Variants in CDIP1 observed in about 807,000 individuals in gnomAD.
The protein encoded by CDIP1 is cell death inducing p53 target 1, also known as cell death-inducing p53-target protein 1.
Under a neutral mutation model 17.7 loss-of-function variants are expected in CDIP1, and 9 were observed. That is an observed-to-expected ratio of 0.51 (90% CI 0.31 to 0.89). CDIP1 has a LOEUF of 0.89. Among genes scored for constraint, CDIP1 ranks in the 40% least tolerant of loss-of-function variants. The probability of loss-of-function intolerance (pLI) is 0.05; values close to 1 mark genes in which losing one functional copy is unlikely to be tolerated. For missense variants in CDIP1, 263 were observed against 277.9 expected (o/e 0.95, Z 0.38); for synonymous variants, 117 against 109.5 (o/e 1.07, Z -0.43).
In CDIP1 at chr16:4,514,173, A is replaced by G; in HGVS notation, c.-14-29T>C. ...GACATGGAGGGAAAACCCAGACATG[A>G]ACTAAGCTCCCAGCCAGGTTCCTTC... On this transcript the variant is annotated intron_variant, in intron 2 of 5. Transcript: ENST00000567695. This position sits in a 1 kb window ranked among gnomAD's most constrained non-coding sequence, Gnocchi z 5.2. 7.7e-7 allele frequency: 1 copy of G among 1,301,890 alleles called. No homozygotes were observed. Among genetic ancestry groups the G allele is most frequent in the East Asian group, 2.7e-5 (1 of 36,454 alleles). 80.6% of individuals were successfully genotyped at this position (1,301,890 alleles called of 1,614,324 possible). A position where few individuals can be genotyped will look rare whatever the true frequency, so the allele number is the denominator to read the frequency against.
In CDIP1 at chr16:4,512,906, C is replaced by G. The variant is rs759637384; in HGVS notation, c.400G>C (p.Glu134Gln). 25 of 1,572,810 alleles carry G rather than the reference C, an allele frequency of 1.6e-5. No homozygotes were observed. The highest frequency in any genetic ancestry group is 2.2e-5 in the Non-Finnish European group (25 of 1,159,036). Residue 134 changes from glutamate to glutamine, a missense_variant, in exon 5 of 6, where the codon GAG (glutamate) becomes CAG (glutamine). By Grantham distance (29) the Glu-to-Gln change is conservative. Transcript: ENST00000567695. This position sits in a 1 kb window ranked among gnomAD's most constrained non-coding sequence, Gnocchi z 4.6. The part of the protein sequence containing the change: ...TVTVLQGEIF[E>Q]GAPVQTVCPH... ...CACACCGTCTGCACAGGCGCTCCCTCAAAGATCTCTCCCTGCAGCACTGTC... is the reference window on the plus strand; with the variant it reads ...CACACCGTCTGCACAGGCGCTCCCTGAAAGATCTCTCCCTGCAGCACTGTC...
At chr16:4,516,445 GGAAAA>G (rs2058888719) in intron 1 of CDIP1, among the ~76,000 whole-genome samples, 1 of 152,042 alleles carries the variant, frequency 6.6e-6, no homozygotes, top group Non-Finnish European at 1.5e-5. Context: ...AAAAAATGAG[GGAAAA>G]GAAAATTAGT....
At chr16:4,520,257 A>T (rs185485052) in intron 1 of CDIP1, among the ~76,000 whole-genome samples, 2 of 152,182 alleles carry the variant, frequency 1.3e-5, no homozygotes, top group East Asian at 3.9e-4. Context: ...GACTACAGGC[A>T]TGCCACCCAT....
intron 1 of CDIP1, among the ~76,000 whole-genome samples, chr16:4,526,434 C>G (rs938877078): frequency 6.6e-6 from 1 of 151,730 alleles, no homozygotes; most frequent in African/African-American, 2.4e-5. Flanking sequence ...GTCACGGTGG[C>G]TCACACCTGT....
intron 1 of CDIP1, among the ~76,000 whole-genome samples, chr16:4,534,105 C>G (rs553438156): frequency 2.0e-4 from 31 of 152,108 alleles, no homozygotes; most frequent in Non-Finnish European, 3.5e-4. Context: ...CACCTGCCCC[C>G]ACACCTGGTT....
At chr16:4,526,751 TTAAAAA>T in intron 1 of CDIP1, among the ~76,000 whole-genome samples, 1 of 150,362 alleles carries the variant, frequency 6.7e-6, no homozygotes, top group Non-Finnish European at 1.5e-5. Context: ...AAAAATAAAA[TTAAAAA>T]TAAAATAAAA....
chr16:4,515,289 C>T (rs1203380528), intron 1 of CDIP1, among the ~76,000 whole-genome samples: 1 of 152,100 alleles, frequency 6.6e-6, no homozygotes, highest in African/African-American at 2.4e-5. Context: ...AGGGGCAGGG[C>T]CAGAGGAACC....
intron 1 of CDIP1, among the ~76,000 whole-genome samples, chr16:4,529,713 A>C (rs202102417): frequency 6.6e-6 from 1 of 152,244 alleles, no homozygotes; most frequent in East Asian, 1.9e-4. Flanking sequence ...GCCTGTACTG[A>C]GCAGACACAA....
At chr16:4,531,745 C>G (rs2059058701) in intron 1 of CDIP1, among the ~76,000 whole-genome samples, 2 of 152,234 alleles carry the variant, frequency 1.3e-5, no homozygotes, top group African/African-American at 4.8e-5. Context: ...AGCCCTGTTT[C>G]TTTTCTCACA....
intron 1 of CDIP1, among the ~76,000 whole-genome samples, chr16:4,517,789 T>C (rs1185697234): frequency 6.7e-6 from 1 of 150,342 alleles, no homozygotes; most frequent in Admixed American, 6.6e-5. Context: ...GCAGTGCCTC[T>C]TGGGGCTGGT....
chr16:4,514,029 G>C lies in CDIP1; in HGVS notation c.85+17C>G. ...AGGGGGCTGCAATATGGAGCCTCAG[G>C]AACAGTGACCCCCTACCTGGGGTGG... On this transcript the variant is annotated intron_variant, in intron 3 of 5. Coordinates refer to ENST00000567695, the MANE Select transcript of CDIP1 (RefSeq NM_013399.3). This position sits in a 1 kb window ranked among gnomAD's most constrained non-coding sequence, Gnocchi z 5.2. 1 of 1,476,854 alleles carries C rather than the reference G, an allele frequency of 6.8e-7. No homozygotes were observed. The highest frequency in any genetic ancestry group is 9.0e-7 in the Non-Finnish European group (1 of 1,106,416). The allele number at this position is 1,476,854 out of a possible 1,614,324, so 91.5% of individuals were successfully genotyped here.
chr16:4,537,499 C>G (rs1310948615), intron 1 of CDIP1, among the ~76,000 whole-genome samples: 1 of 152,166 alleles, frequency 6.6e-6, no homozygotes, highest in African/African-American at 2.4e-5. Flanking sequence ...CTTGCCCGGG[C>G]ACCGCCCCGC....
chr16:4,525,804 G>A (rs909291019), intron 1 of CDIP1, among the ~76,000 whole-genome samples: 40 of 152,282 alleles, frequency 2.6e-4, no homozygotes, highest in African/African-American at 8.4e-4. Context: ...CGTTGTCCTC[G>A]GCTGCCAAGT....
chr16:4,517,098 T>A (rs532453679), intron 1 of CDIP1, among the ~76,000 whole-genome samples: 1 of 152,328 alleles, frequency 6.6e-6, no homozygotes, highest in Non-Finnish European at 1.5e-5. Flanking sequence ...CACCGCTCTT[T>A]CCCTTTTGTT....
Position 4,514,979 on chromosome 16 carries a change from CT to C in CDIP1, c.-104-316del. The C allele has an allele frequency of 6.6e-6, 1 of 152,642 alleles. No homozygotes were observed. The highest frequency in any genetic ancestry group is 1.5e-5 in the Non-Finnish European group (1 of 68,222). The allele number at this position is 152,642 out of a possible 1,614,324, so 9.5% of individuals were successfully genotyped here. ...GGCAAGCTGTGCTCTGGCCTGTGCC[CT>C]TCTGGTTTGTTTGTTGAGGTGGGGG... On this transcript the variant is annotated intron_variant, in intron 1 of 5. Transcript: ENST00000567695. The surrounding 1 kb of genome is among the most constrained non-coding windows in gnomAD (Gnocchi z 5.2).
chr16:4,530,353 A>G (rs2059042518), intron 1 of CDIP1, among the ~76,000 whole-genome samples: 1 of 152,234 alleles, frequency 6.6e-6, no homozygotes, highest in Non-Finnish European at 1.5e-5. Flanking sequence ...ACTGCATTAT[A>G]TGAAACAGTA....
chr16:4,512,857 G>A lies in CDIP1; in HGVS notation c.449C>T (p.Thr150Ile). 6.4e-7 allele frequency: 1 copy of A among 1,562,404 alleles called. No individual in the cohort carries two copies. Among genetic ancestry groups the A allele is most frequent in the Non-Finnish European group, 8.7e-7 (1 of 1,152,710 alleles). ...GCCAATCTCGTAGGAGATCTTGGTG[G>A]TGATGGCCTGCTGGCAGTGGGGACA... ...TVCPHCQQAI[T>I]TKISYEIGLM... The change falls in exon 5 of 6, where the codon ACC becomes ATC. Residue 150 changes from threonine (T) to isoleucine (I), a missense_variant. Coordinates refer to ENST00000567695, the MANE Select transcript of CDIP1 (RefSeq NM_013399.3). The surrounding 1 kb of genome is among the most constrained non-coding windows in gnomAD (Gnocchi z 4.6).
In CDIP1 at chr16:4,513,028, C is replaced by G. The variant is rs892322719; in HGVS notation, c.278G>C (p.Gly93Ala). ...CGTGTAGGGCCCTGGGGGGTAGTAG[C>G]CCATGGGTGGGTGGGGGCCTGGAGG... is the stretch of plus-strand genomic sequence containing the variant. ...YPPPGPHPPM[G>A]YYPPGPYTPG... Residue 93 changes from glycine (G) to alanine (A), a missense_variant, in exon 5 of 6, where the codon GGC (glycine) becomes GCC (alanine). Physicochemically the swap from Gly to Ala is moderately conservative, Grantham distance 60. Transcript: ENST00000567695. This position sits in a 1 kb window ranked among gnomAD's most constrained non-coding sequence, Gnocchi z 4.1. 38 of 1,594,346 alleles carry G rather than the reference C, an allele frequency of 2.4e-5. No homozygotes were observed. Among genetic ancestry groups the G allele is most frequent in the Non-Finnish European group, 3.0e-5 (35 of 1,172,726 alleles).
Position 4,512,518 on chromosome 16 carries a change from G to A in CDIP1, c.*54C>T. The A allele has an allele frequency of 1.5e-6, 2 of 1,326,372 alleles. No individual in the cohort carries two copies. Among genetic ancestry groups the A allele is most frequent in the Non-Finnish European group, 2.2e-6 (2 of 919,030 alleles). The allele number at this position is 1,326,372 out of a possible 1,614,324, so 82.2% of individuals were successfully genotyped here. A position where few individuals can be genotyped will look rare whatever the true frequency, so the allele number is the denominator to read the frequency against. On this transcript the variant is annotated 3_prime_UTR_variant, in exon 6 of 6. Coordinates refer to ENST00000567695, the MANE Select transcript of CDIP1 (RefSeq NM_013399.3). This position sits in a 1 kb window ranked among gnomAD's most constrained non-coding sequence, Gnocchi z 4.6. ...GGAAAGTGACCACTGAGCACAGGGA[G>A]CAAAGCACAGGGGGCCAGACTGACA...
Sources: allele counts gnomAD v4.1 joint callset (sites outside exome capture counted in the v4.1 genomes callset), GRCh38; gene constraint gnomAD v4.1.1; non-coding constraint Gnocchi (gnomAD v3.1); transcripts MANE v1.5; gene names NCBI Gene and HGNC (gene_info 2026-07-23, HGNC 2026-07-21).